Variants in BMP1 observed in about 807,000 individuals in gnomAD.
BMP1 encodes bone morphogenetic protein 1, also known as mammalian tolloid protein.
In BMP1, 63 loss-of-function variants were observed where a neutral mutation model predicts 116.8. The ratio of observed to expected loss-of-function variants is 0.54; its 90% CI spans 0.44 to 0.67. The LOEUF is 0.67. BMP1 is among the 30% of genes least tolerant of loss of function. The pLI is 0.00. For synonymous variants in BMP1, 536 were observed against 533.4 expected, an observed-to-expected ratio of 1.00 and a Z score of -0.07; for missense variants, 1,183 against 1,358.9, an observed-to-expected ratio of 0.87 and a Z score of 2.04.
At position 22,165,826 on chromosome 8, in the gene BMP1, G is replaced by A. The variant is rs1828080390; in HGVS notation, c.148+273G>A. On this transcript the variant is annotated intron_variant, in intron 1 of 19. Transcript: ENST00000306385. Reference sequence around the variant, plus strand: ...CTCCTTGCGTCCCGGGAAAACCGGCGGGCAAGGCGGCTTTTCCTTCTGTAG... The same window carrying A: ...CTCCTTGCGTCCCGGGAAAACCGGCAGGCAAGGCGGCTTTTCCTTCTGTAG... Among the ~76,000 whole-genome samples the A allele has an allele frequency of 2.0e-5, 3 of 151,838 alleles. No individual in the cohort carries two copies. The South Asian group carries it at 6.2e-4, about 31-fold the overall frequency.
At chr8:22,185,772 C>A (rs998362569) in intron 8 of BMP1, among the ~76,000 whole-genome samples, 1 of 151,132 alleles carries the variant, frequency 6.6e-6, no homozygotes, top group Non-Finnish European at 1.5e-5. Context: ...CAGGCACCTG[C>A]TATCGCCCCT....
intron 8 of BMP1, among the ~76,000 whole-genome samples, chr8:22,185,055 G>T (rs1400398907): frequency 1.3e-5 from 2 of 152,196 alleles, no homozygotes; most frequent in East Asian, 1.9e-4. Context: ...CTTCTTTTTG[G>T]ATCCCCCAAG....
At chr8:22,197,605 T>C (rs1195886699) in intron 15 of BMP1, among the ~76,000 whole-genome samples, 185 bp downstream of exon 15, 3 of 152,204 alleles carry the variant, frequency 2.0e-5, no homozygotes, top group Admixed American at 2.0e-4. Flanking sequence ...AATCTCATTA[T>C]TCCTGAGCCC....
chr8:22,183,193 A>C (rs771906410), intron 8 of BMP1, among the ~76,000 whole-genome samples: 1 of 152,228 alleles, frequency 6.6e-6, no homozygotes, highest in South Asian at 2.1e-4. Flanking sequence ...AGGCAGGAGG[A>C]TCACTTGAGG....
chr8:22,194,438 C>T lies in BMP1; in HGVS notation c.1298-7C>T. On this transcript the variant is annotated splice_polypyrimidine_tract_variant and splice_region_variant and intron_variant, in intron 10 of 19. Transcript: ENST00000306385. The surrounding 1 kb of genome is among the most constrained non-coding windows in gnomAD (Gnocchi z 4.5). Reference sequence around the variant, plus strand: ...ACCCCTTCCCACCCCATCCTGTGTCCCCACAGCCATCTGCGGGGGTGATGT... The same window carrying T: ...ACCCCTTCCCACCCCATCCTGTGTCTCCACAGCCATCTGCGGGGGTGATGT... 1 of 1,613,974 alleles carries T rather than the reference C, an allele frequency of 6.2e-7. No homozygotes were observed. The highest frequency in any genetic ancestry group is 2.2e-5 in the East Asian group (1 of 44,876).
rs78870449 is a variant in BMP1, at chr8:22,210,121, C to T, written c.2826+426C>T. Among the ~76,000 whole-genome samples, 547 of 152,366 alleles carry T rather than the reference C, an allele frequency of 3.6e-3. 5 individuals carry two copies. Among genetic ancestry groups the T allele is most frequent in the African/African-American group, 0.012 (512 of 41,588 alleles). ...GAGTGGCCCTCACCAGTCCTTTTGC[C>T]GGAGGCATAAACACTCTTGTCATTT... On this transcript the variant is annotated intron_variant, in intron 19 of 19. Transcript: ENST00000306385.
At chr8:22,182,095 C>T (rs1288991517) in intron 8 of BMP1, among the ~76,000 whole-genome samples, 1 of 152,188 alleles carries the variant, frequency 6.6e-6, no homozygotes. Flanking sequence ...TCCCAAGCTA[C>T]AAGACTTTAT....
intron 15 of BMP1, chr8:22,201,248 C>G (rs1395471277): frequency 1.3e-6 from 2 of 1,588,574 alleles, no homozygotes; most frequent in Non-Finnish European, 1.7e-6. Context: ...GGAACCTCAC[C>G]TTGGACGGAA....
At chr8:22,172,555 T>G (rs1475260787) in intron 1 of BMP1, among the ~76,000 whole-genome samples, 4 of 151,858 alleles carry the variant, frequency 2.6e-5, no homozygotes, top group Admixed American at 2.6e-4. Context: ...GTATCTTCGT[T>G]TCCCAAAGAT....
intron 15 of BMP1, 151 bp from the exon 16 acceptor site, chr8:22,201,652 C>T: frequency 7.1e-7 from 1 of 1,406,476 alleles, no homozygotes; most frequent in Non-Finnish European, 9.4e-7. Flanking sequence ...GTCGCCTGGC[C>T]TCCCACTCCC....
chr8:22,179,025 T>G lies in BMP1; in HGVS notation c.837-680T>G, dbSNP rs1180167955. ...CACCACATCCCACCCCACCCCCTGCTGCGATCCACCCAGCTGGGTGTGAGT... is the reference window on the plus strand; with the variant it reads ...CACCACATCCCACCCCACCCCCTGCGGCGATCCACCCAGCTGGGTGTGAGT... On this transcript the variant is annotated intron_variant, in intron 6 of 19. Coordinates refer to ENST00000306385, the MANE Select transcript of BMP1 (RefSeq NM_006129.5). The surrounding 1 kb of genome is among the most constrained non-coding windows in gnomAD (Gnocchi z 4.6). Among the ~76,000 whole-genome samples the G allele has an allele frequency of 1.3e-5, 2 of 152,102 alleles. No individual in the cohort carries two copies. Among genetic ancestry groups the G allele is most frequent in the Non-Finnish European group, 2.9e-5 (2 of 67,994 alleles).
Position 22,177,078 on chromosome 8 carries a change from C to A in BMP1, c.669C>A (p.His223Gln). The change falls in exon 5 of 20, where the codon CAC becomes CAA. Residue 223 changes from histidine to glutamine, a missense_variant. Transcript: ENST00000306385. The stretch of plus-strand genomic sequence containing the variant: ...TGGGCCACGTCGTCGGCTTCTGGCA[C>A]GAACACACTCGGCCAGACCGGGACC... ...HELGHVVGFW[H>Q]EHTRPDRDRH... The A allele has an allele frequency of 6.2e-7, 1 of 1,612,390 alleles. No individual in the cohort carries two copies. The highest frequency in any genetic ancestry group is 8.5e-7 in the Non-Finnish European group (1 of 1,179,338).
intron 17 of BMP1, 77 bp downstream of exon 17, chr8:22,207,058 G>T: frequency 1.9e-6 from 3 of 1,574,230 alleles, no homozygotes; most frequent in Non-Finnish European, 2.6e-6. Flanking sequence ...CACACAGGCT[G>T]CAGGCTGAGC....
Position 22,173,639 on chromosome 8 carries a change from C to A in BMP1, c.186C>A (p.Asp62Glu), listed in dbSNP as rs750943467. The change falls in exon 2 of 20, where the codon GAC becomes GAA. Residue 62 changes from aspartate (D) to glutamate (E), a missense_variant. Physicochemically the swap from Asp to Glu is conservative, Grantham distance 45. Transcript: ENST00000306385. ...GGGACATTGCCCTGGACGAAGAGGA[C>A]CTGAGGGCCTTCCAGGTACAGCAGG... is the stretch of plus-strand genomic sequence containing the variant. ...FLGDIALDEE[D>E]LRAFQVQQAV... is the part of the protein sequence containing the mutation. 1.8e-5 allele frequency: 29 copies of A among 1,613,602 alleles called. No homozygotes were observed. Among genetic ancestry groups the A allele is most frequent in the Non-Finnish European group, 2.3e-5 (27 of 1,179,738 alleles).
intron 18 of BMP1, 67 bp from the exon 19 acceptor site, chr8:22,209,378 C>A: frequency 6.3e-7 from 1 of 1,581,360 alleles, no homozygotes; most frequent in South Asian, 1.2e-5. Flanking sequence ...CACGCCATGG[C>A]ATAGTGTGCC....
chr8:22,166,947 C>G (rs973329055), intron 1 of BMP1, among the ~76,000 whole-genome samples: 1 of 152,202 alleles, frequency 6.6e-6, no homozygotes, highest in Non-Finnish European at 1.5e-5. Context: ...GCTGTACCAC[C>G]TCAGAATGGT....
intron 15 of BMP1, chr8:22,201,014 C>A: frequency 3.2e-6 from 1 of 312,780 alleles, no homozygotes; most frequent in Admixed American, 4.7e-5. Flanking sequence ...CCCCTCAGAT[C>A]CACCTCAGAG....
In BMP1 at chr8:22,181,428, G is replaced by A. The variant is rs576594407; in HGVS notation, c.1077+945G>A. On this transcript the variant is annotated intron_variant, in intron 8 of 19. Transcript: ENST00000306385. ...CAAGTAGGGTGGACACCGAGTGTGGGGAGGGCCCCCGAGCCTGTCCGGTCA... is the reference window on the plus strand; with the variant it reads ...CAAGTAGGGTGGACACCGAGTGTGGAGAGGGCCCCCGAGCCTGTCCGGTCA... 5.3e-5 allele frequency among the ~76,000 whole-genome samples: 8 copies of A among 152,324 alleles called. No individual in the cohort carries two copies. The East Asian group carries it at 1.4e-3, about 26-fold the overall frequency.
At position 22,192,260 on chromosome 8, in the gene BMP1, A is replaced by T. The variant is rs73225860; in HGVS notation, c.1180+109A>T. The T allele has an allele frequency of 0.073, 67,296 of 926,716 alleles. 3,931 individuals are homozygous for T. The highest frequency in any genetic ancestry group is 0.24 in the African/African-American group (14,744 of 61,050). 57.4% of individuals were successfully genotyped at this position (926,716 alleles called of 1,614,324 possible). A position where few individuals can be genotyped will look rare whatever the true frequency, so the allele number is the denominator to read the frequency against. The stretch of plus-strand genomic sequence containing the variant: ...GGCCCAACACTGGCCAGGGATGACA[A>T]CCTGGTATGGGAGCCAGGAGTCCTG... On this transcript the variant is annotated intron_variant, in intron 9 of 19. Transcript: ENST00000306385.
Sources: gnomAD v4.1 joint callset for allele counts (sites outside exome capture counted in the v4.1 genomes callset) on GRCh38, gnomAD v4.1.1 for gene constraint, Gnocchi (gnomAD v3.1) non-coding constraint, MANE v1.5 for transcripts, NCBI Gene and HGNC (gene_info 2026-07-23, HGNC 2026-07-21) for gene names.